Variants in PTPRT observed in about 807,000 individuals in gnomAD.
PTPRT encodes protein tyrosine phosphatase receptor type T.
Under a neutral mutation model 176.8 loss-of-function variants are expected in PTPRT, and 56 were observed. The ratio of observed to expected loss-of-function variants is 0.32; its 90% CI spans 0.26 to 0.40. PTPRT has a LOEUF of 0.40. PTPRT is among the 10% of genes least tolerant of loss of function. The probability of loss-of-function intolerance (pLI) is 1.00; values close to 1 mark genes in which losing one functional copy is unlikely to be tolerated. For synonymous variants in PTPRT, 783 were observed against 739.0 expected (o/e 1.06, Z -0.96); for missense variants, 1,540 against 1,908.2 (o/e 0.81, Z 3.60).
Position 42,075,132 on chromosome 20 carries a change from GA to G in PTPRT, c.*5746del, listed in dbSNP as rs1179556472. 3.1e-6 allele frequency: 1 copy of G among 323,254 alleles called. No homozygotes were observed. The highest frequency in any genetic ancestry group is 5.6e-6 in the Non-Finnish European group (1 of 178,460). 20.0% of individuals were successfully genotyped at this position (323,254 alleles called of 1,614,324 possible). On this transcript the variant is annotated 3_prime_UTR_variant, in exon 31 of 31. Coordinates refer to ENST00000373187, the MANE Select transcript of PTPRT (RefSeq NM_007050.6). ...GTATACATGGAAAACCTCCAACAGG[GA>G]AACTTTGCATGGGAGGAGTAAACAA... is the stretch of plus-strand genomic sequence containing the variant.
intron 9 of PTPRT, among the ~76,000 whole-genome samples, chr20:42,405,553 T>C (rs1452451461): frequency 6.6e-6 from 1 of 152,228 alleles, no homozygotes; most frequent in Non-Finnish European, 1.5e-5. Context: ...TAATATTTCA[T>C]GGTGTATATG....
chr20:42,045,188 G>T, the PTPRT span, among the ~76,000 whole-genome samples: 2 of 151,998 alleles, frequency 1.3e-5, no homozygotes, highest in Non-Finnish European at 2.9e-5. Flanking sequence ...AGGTTCCAGG[G>T]ATTAGGACAT....
chr20:42,490,033 A>G (rs1276344741), intron 7 of PTPRT, among the ~76,000 whole-genome samples: 1 of 152,196 alleles, frequency 6.6e-6, no homozygotes, highest in Non-Finnish European at 1.5e-5. Flanking sequence ...AGCCATCTCT[A>G]TCACACATGA....
intron 1 of PTPRT, among the ~76,000 whole-genome samples, chr20:43,153,383 T>C (rs1395618454): frequency 6.6e-6 from 1 of 152,220 alleles, no homozygotes; most frequent in Non-Finnish European, 1.5e-5. Flanking sequence ...AATTTTTACT[T>C]ATTTTCCATA....
At chr20:43,153,541 AT>A (rs2014427860) in intron 1 of PTPRT, among the ~76,000 whole-genome samples, 1 of 152,232 alleles carries the variant, frequency 6.6e-6, no homozygotes, top group Admixed American at 6.5e-5. Flanking sequence ...AAAACACAGT[AT>A]AAAATAATTC....
At chr20:42,457,544 T>A (rs143484178) in intron 8 of PTPRT, among the ~76,000 whole-genome samples, 1 of 152,292 alleles carries the variant, frequency 6.6e-6, no homozygotes, top group African/African-American at 2.4e-5. Context: ...AAGTGGTGTG[T>A]GATGGTCTGG....
At chr20:42,141,768 T>A (rs569614239) in intron 18 of PTPRT, 147 bp downstream of exon 18, 17 of 774,260 alleles carry the variant, frequency 2.2e-5, no homozygotes, top group African/African-American at 1.9e-4. Flanking sequence ...GTAAGGCTGA[T>A]ATAAAGCTTC....
the PTPRT span, among the ~76,000 whole-genome samples, chr20:42,037,287 C>A: frequency 6.6e-6 from 1 of 152,216 alleles, no homozygotes; most frequent in Admixed American, 6.5e-5. Context: ...CTGCTGCTGA[C>A]AGCCCATCCT....
intron 5 of PTPRT, among the ~76,000 whole-genome samples, chr20:42,767,642 C>T (rs930697589): frequency 6.8e-6 from 1 of 147,488 alleles, no homozygotes; most frequent in Non-Finnish European, 1.5e-5. Context: ...TATATATACA[C>T]AAATATATAT....
At chr20:43,146,735 G>C (rs1680772548) in intron 1 of PTPRT, among the ~76,000 whole-genome samples, 1 of 152,096 alleles carries the variant, frequency 6.6e-6, no homozygotes, top group Admixed American at 6.5e-5. Flanking sequence ...GTGCTAATTT[G>C]GTATCTGAAA....
chr20:42,524,652 G>C (rs2072237325), intron 7 of PTPRT, among the ~76,000 whole-genome samples: 1 of 152,126 alleles, frequency 6.6e-6, no homozygotes, highest in Non-Finnish European at 1.5e-5. Context: ...TTTTGAAACT[G>C]AGAATTGGTG....
rs1439018764 is a variant in PTPRT, at chr20:42,569,108, AT to A, written c.1154-96547del. On this transcript the variant is annotated intron_variant, in intron 7 of 30. Transcript: ENST00000373187. ...TATATATATATATATATATATATATATATAATTTCAACTTTCATGCCATGCC... is the reference window on the plus strand; with the variant it reads ...TATATATATATATATATATATATATAATAATTTCAACTTTCATGCCATGCC... Among the ~76,000 whole-genome samples, 166 of 123,008 alleles carry A rather than the reference AT, an allele frequency of 1.3e-3. 2 individuals are homozygous for A. Among genetic ancestry groups the A allele is most frequent in the Non-Finnish European group, 2.2e-3 (130 of 59,438 alleles). 80.7% of individuals were successfully genotyped at this position (123,008 alleles called of 152,430 possible).
intron 7 of PTPRT, among the ~76,000 whole-genome samples, chr20:42,614,451 C>A (rs879823106): frequency 9.2e-5 from 14 of 152,144 alleles, no homozygotes; most frequent in Non-Finnish European, 1.3e-4. Flanking sequence ...ATGCCCCAAT[C>A]AGGGTCCTGA....
At chr20:42,599,540 G>T (rs2073738190) in intron 7 of PTPRT, among the ~76,000 whole-genome samples, 1 of 152,098 alleles carries the variant, frequency 6.6e-6, no homozygotes, top group Admixed American at 6.5e-5. Context: ...CACTGCATAG[G>T]CTAAGGAGCT....
At chr20:42,980,061 A>T (rs572372541) in intron 1 of PTPRT, among the ~76,000 whole-genome samples, 1 of 152,192 alleles carries the variant, frequency 6.6e-6, no homozygotes, top group East Asian at 1.9e-4. Context: ...TTTTTATTCT[A>T]AACTGCAAAA....
intron 1 of PTPRT, among the ~76,000 whole-genome samples, chr20:42,892,086 T>C (rs1475176935): frequency 1.3e-5 from 2 of 152,220 alleles, no homozygotes; most frequent in African/African-American, 2.4e-5. Flanking sequence ...AAGAAAGAAG[T>C]ATTGCTTTCT....
intron 2 of PTPRT, among the ~76,000 whole-genome samples, chr20:42,832,824 C>T (rs1048008194): frequency 8.9e-6 from 1 of 111,780 alleles, no homozygotes; most frequent in Non-Finnish European, 1.9e-5. Flanking sequence ...AAAAAAAAGG[C>T]CAGGCTTGGT....
chr20:42,125,601 T>TGTAG (rs1987815187), intron 19 of PTPRT, among the ~76,000 whole-genome samples: 1 of 152,252 alleles, frequency 6.6e-6, no homozygotes, highest in East Asian at 1.9e-4. Context: ...GACAGTGCTC[T>TGTAG]TAACCTACAG....
At chr20:42,794,883 CG>C (rs1335571270) in intron 2 of PTPRT, among the ~76,000 whole-genome samples, 4 of 151,664 alleles carry the variant, frequency 2.6e-5, no homozygotes, top group African/African-American at 4.8e-5. Flanking sequence ...TGGGATCCAG[CG>C]GCCATCTCTA....
Sources: gnomAD v4.1 joint callset for allele counts (sites outside exome capture counted in the v4.1 genomes callset) on GRCh38, gnomAD v4.1.1 for gene constraint, MANE v1.5 for transcripts, NCBI Gene and HGNC (gene_info 2026-07-23, HGNC 2026-07-21) for gene names.